TBC1D14: variants seen among roughly 807,000 people sequenced by gnomAD.
The protein encoded by TBC1D14 is TBC1 domain family, member 14.
In TBC1D14, 26 loss-of-function variants were observed where a neutral mutation model predicts 79.0. That is an observed-to-expected ratio of 0.33 (90% CI 0.24 to 0.46). The LOEUF (loss-of-function observed/expected upper bound fraction) is 0.46, where lower values mean the gene tolerates loss of function less well. TBC1D14 is among the 20% of genes least tolerant of loss of function. The pLI is 1.00. For missense variants in TBC1D14, 769 were observed against 887.6 expected (o/e 0.87, Z 1.70); for synonymous variants, 394 against 349.9 (o/e 1.13, Z -1.40).
At chr4:6,934,245 G>T (rs1712078228) in intron 2 of TBC1D14, among the ~76,000 whole-genome samples, 1 of 152,004 alleles carries the variant, frequency 6.6e-6, no homozygotes, top group Non-Finnish European at 1.5e-5. Flanking sequence ...GGAGATCTGG[G>T]AGGAGAGGAG....
intron 1 of TBC1D14, among the ~76,000 whole-genome samples, chr4:6,922,278 G>A (rs1723931126): frequency 6.6e-6 from 1 of 152,016 alleles, no homozygotes. Context: ...CCGCACTGAC[G>A]GTTTTGACTC....
At chr4:6,956,989 C>T (rs1055854527) in intron 2 of TBC1D14, among the ~76,000 whole-genome samples, 1 of 152,276 alleles carries the variant, frequency 6.6e-6, no homozygotes, top group Non-Finnish European at 1.5e-5. Context: ...TCCTCCACCA[C>T]ACCCCACAGC....
chr4:6,977,578 G>A (rs1164344817), intron 3 of TBC1D14, among the ~76,000 whole-genome samples: 7 of 149,528 alleles, frequency 4.7e-5, no homozygotes, highest in African/African-American at 4.9e-5. Flanking sequence ...CTGCCTGGCC[G>A]CCCATCGTCT....
chr4:6,959,985 T>C (rs887378094), intron 2 of TBC1D14, among the ~76,000 whole-genome samples: 1 of 152,148 alleles, frequency 6.6e-6, no homozygotes, highest in Non-Finnish European at 1.5e-5. Context: ...AAATTTTTTA[T>C]GAACTTTTTT....
chr4:7,009,904 A>G lies in TBC1D14; in HGVS notation c.1474A>G (p.Ser492Gly), dbSNP rs755195430. 7.4e-6 allele frequency: 12 copies of G among 1,614,094 alleles called. No homozygotes were observed. Among genetic ancestry groups the G allele is most frequent in the Non-Finnish European group, 8.5e-6 (10 of 1,180,052 alleles). ...TGGTCCATATCATGACATGTTGCAC[A>G]GTATTTTGGGCGCTTATACTTGTTA... ...QGGPYHDMLH[S>G]ILGAYTCYRP... The change falls in exon 10 of 14, where the codon AGT becomes GGT. Residue 492 changes from serine (S) to glycine (G), a missense_variant. Around this residue, in one of 2 missense-constraint regions of TBC1D14, gnomAD observed 367 missense variants for 494.4 expected, o/e 0.74. Transcript: ENST00000409757.
chr4:7,012,277 G>C (rs1016451780), intron 11 of TBC1D14, among the ~76,000 whole-genome samples: 8 of 148,834 alleles, frequency 5.4e-5, no homozygotes, highest in African/African-American at 2.0e-4. Flanking sequence ...ACTCCAGCCT[G>C]GGCGACAGAG....
chr4:6,962,195 C>T (rs546451079), intron 2 of TBC1D14, among the ~76,000 whole-genome samples: 3 of 152,220 alleles, frequency 2.0e-5, no homozygotes, highest in East Asian at 1.9e-4. Flanking sequence ...AGCACCTAGG[C>T]GCTGTGCAGG....
intron 4 of TBC1D14, among the ~76,000 whole-genome samples, chr4:6,995,922 C>T (rs1161350266): frequency 6.6e-6 from 1 of 151,304 alleles, no homozygotes; most frequent in African/African-American, 2.4e-5. Flanking sequence ...CTGCAAGCTC[C>T]GCCTCCTGGG....
chr4:6,990,837 C>G (rs923321147), intron 3 of TBC1D14, among the ~76,000 whole-genome samples: 2 of 152,228 alleles, frequency 1.3e-5, no homozygotes, highest in Non-Finnish European at 2.9e-5. Flanking sequence ...GGTTTTACTT[C>G]CAGAGCCTTA....
intron 7 of TBC1D14, chr4:7,001,502 C>T (rs962249196): frequency 1.4e-5 from 6 of 423,046 alleles, no homozygotes; most frequent in East Asian, 8.6e-5. Flanking sequence ...CTTAGAGCAT[C>T]GGGGAGGTGC....
Position 6,943,274 on chromosome 4 carries a change from C to T in TBC1D14, c.722+19163C>T, listed in dbSNP as rs532924550. ...GGAAAGAGGACTGCGCCCAGGACAA[C>T]GAGGAAATGGGTTTGGTGAATAACT... On this transcript the variant is annotated intron_variant, in intron 2 of 13. Coordinates refer to ENST00000409757, the MANE Select transcript of TBC1D14 (RefSeq NM_020773.3). Among the ~76,000 whole-genome samples, 13 of 152,304 alleles carry T rather than the reference C, an allele frequency of 8.5e-5. No homozygotes were observed. In the East Asian group the frequency reaches 1.9e-3, roughly 23 times the overall value.
In TBC1D14 at chr4:7,004,831, G is replaced by A; in HGVS notation, c.1271-13G>A. The A allele has an allele frequency of 6.2e-7, 1 of 1,613,996 alleles. No individual in the cohort carries two copies. Among genetic ancestry groups the A allele is most frequent in the Non-Finnish European group, 8.5e-7 (1 of 1,179,920 alleles). ...ATGTGCACGTAATACTTACCCAGAG[G>A]CTTTTCTTCCAGAGCTCTTTGACAT... On this transcript the variant is annotated splice_polypyrimidine_tract_variant and intron_variant, in intron 7 of 13. Coordinates refer to ENST00000409757, the MANE Select transcript of TBC1D14 (RefSeq NM_020773.3).
At position 7,032,993 on chromosome 4, in the gene TBC1D14, A is replaced by G. The variant is rs1240453012; in HGVS notation, c.*2601A>G. 1.3e-5 allele frequency: 2 copies of G among 152,686 alleles called. No homozygotes were observed. The highest frequency in any genetic ancestry group is 2.9e-5 in the Non-Finnish European group (2 of 68,048). 9.5% of individuals were successfully genotyped at this position (152,686 alleles called of 1,614,324 possible). A position where few individuals can be genotyped will look rare whatever the true frequency, so the allele number is the denominator to read the frequency against. ...AAACTCCTGATAACACTTGCTACAT[A>G]TCATGTTTTAATTGCTTGTACAGTT... On this transcript the variant is annotated 3_prime_UTR_variant, in exon 14 of 14. Coordinates refer to ENST00000409757, the MANE Select transcript of TBC1D14 (RefSeq NM_020773.3).
intron 3 of TBC1D14, among the ~76,000 whole-genome samples, chr4:6,973,726 A>G (rs932413520): frequency 1.3e-5 from 2 of 152,120 alleles, no homozygotes; most frequent in African/African-American, 4.8e-5. Flanking sequence ...TAATGTGGAC[A>G]GAGAGCACCA....
intron 3 of TBC1D14, among the ~76,000 whole-genome samples, chr4:6,988,907 T>TC (rs1004784800): frequency 7.2e-6 from 1 of 138,816 alleles, no homozygotes; most frequent in Non-Finnish European, 1.5e-5. Flanking sequence ...TTTTTTTTTT[T>TC]TGAGACAGGG....
intron 1 of TBC1D14, among the ~76,000 whole-genome samples, chr4:6,916,138 A>AG (rs936072393): frequency 5.3e-5 from 8 of 150,544 alleles, no homozygotes; most frequent in Non-Finnish European, 3.0e-5. Context: ...GGAAAAAAAA[A>AG]AAAAAGGGAT....
At chr4:7,012,550 AG>A (rs1317690124) in intron 11 of TBC1D14, among the ~76,000 whole-genome samples, 1 of 152,234 alleles carries the variant, frequency 6.6e-6, no homozygotes, top group African/African-American at 2.4e-5. Context: ...TGAGGTTAGG[AG>A]AATGCAGAAT....
chr4:7,006,582 C>G, intron 8 of TBC1D14, 50 bp from the exon 9 acceptor site: 2 of 1,525,710 alleles, frequency 1.3e-6, no homozygotes, highest in South Asian at 2.3e-5. Flanking sequence ...CGTAATTGTC[C>G]TACATTCGTG....
At chr4:6,953,471 A>AAAC (rs1436829969) in intron 2 of TBC1D14, among the ~76,000 whole-genome samples, 3 of 143,280 alleles carry the variant, frequency 2.1e-5, no homozygotes, top group East Asian at 4.2e-4. Flanking sequence ...AAAAAAAAAA[A>AAAC]ATACAAAAAA....
Sources: allele counts gnomAD v4.1 joint callset (sites outside exome capture counted in the v4.1 genomes callset), GRCh38; gene constraint gnomAD v4.1.1; regional missense constraint gnomAD v4.1.1; transcripts MANE v1.5; gene names NCBI Gene and HGNC (gene_info 2026-07-23, HGNC 2026-07-21).